The following CNTN5 variants were observed in gnomAD, a reference collection of about 807,000 sequenced individuals.
CNTN5 encodes contactin 5.
In CNTN5, 77 loss-of-function variants were observed where a neutral mutation model predicts 129.1. The ratio of observed to expected loss-of-function variants is 0.60; its 90% CI spans 0.50 to 0.72. CNTN5 has a LOEUF of 0.72. CNTN5 is among the 30% of genes least tolerant of loss of function. CNTN5 has a pLI of 0.00. For synonymous variants in CNTN5, 509 were observed against 465.6 expected, an observed-to-expected ratio of 1.09 and a Z score of -1.20; for missense variants, 1,478 against 1,328.8, an observed-to-expected ratio of 1.11 and a Z score of -1.75.
At position 100,074,240 on chromosome 11, in the gene CNTN5, C is replaced by G. The variant is rs1944038106; in HGVS notation, c.1526C>G (p.Pro509Arg). Residue 509 changes from proline (P) to arginine (R), a missense_variant, in exon 13 of 25, where the codon CCA becomes CGA. Coordinates refer to ENST00000524871, the MANE Select transcript of CNTN5 (RefSeq NM_014361.4). ...VVIECKPQGS[P>R]KPTISWKKGD... The stretch of plus-strand genomic sequence containing the variant: ...ATAGAGTGCAAACCCCAAGGCTCTC[C>G]AAAACCAACCATCTCTTGGAAGAAA... The G allele has an allele frequency of 1.2e-6, 2 of 1,610,998 alleles. No homozygotes were observed. The highest frequency in any genetic ancestry group is 1.1e-5 in the South Asian group (1 of 90,730).
At chr11:99,374,317 A>G (rs1242797369) in intron 2 of CNTN5, among the ~76,000 whole-genome samples, 1 of 152,242 alleles carries the variant, frequency 6.6e-6, no homozygotes, top group East Asian at 1.9e-4. Flanking sequence ...AATGAACAGC[A>G]CAAAGCCTTT....
At chr11:100,057,210 A>G (rs1297908964) in intron 9 of CNTN5, among the ~76,000 whole-genome samples, 1 of 148,112 alleles carries the variant, frequency 6.8e-6, no homozygotes, top group African/African-American at 2.4e-5. Flanking sequence ...AAATATATAC[A>G]TTATATATAA....
At chr11:99,835,891 T>C (rs1947286672) in intron 4 of CNTN5, among the ~76,000 whole-genome samples, 1 of 152,126 alleles carries the variant, frequency 6.6e-6, no homozygotes, top group Non-Finnish European at 1.5e-5. Context: ...CAAGACTATG[T>C]AATATTGTTA....
intron 9 of CNTN5, among the ~76,000 whole-genome samples, chr11:100,055,258 C>T (rs1371421644): frequency 6.6e-6 from 1 of 151,628 alleles, no homozygotes; most frequent in Non-Finnish European, 1.5e-5. Context: ...AATGAAAGAA[C>T]TTCAGGACAC....
intron 1 of CNTN5, among the ~76,000 whole-genome samples, chr11:99,134,325 T>C (rs7113946): frequency 0.91 from 138,223 of 152,166 alleles, 63,034 homozygotes; most frequent in East Asian, 0.99. Flanking sequence ...GGTGATGGGT[T>C]GACAGGTGCA....
At chr11:99,757,216 T>A (rs1944432611) in intron 3 of CNTN5, among the ~76,000 whole-genome samples, 1 of 152,026 alleles carries the variant, frequency 6.6e-6, no homozygotes, top group African/African-American at 2.4e-5. Flanking sequence ...TCCAATATCT[T>A]CCTTCATTTT....
In CNTN5 at chr11:99,142,001, C is replaced by G. The variant is rs7928881; in HGVS notation, c.-210+120731C>G. Among the ~76,000 whole-genome samples, 335 of 152,196 alleles carry G rather than the reference C, an allele frequency of 2.2e-3. 1 individual carries two copies. Among genetic ancestry groups the G allele is most frequent in the African/African-American group, 7.6e-3 (314 of 41,540 alleles). On this transcript the variant is annotated intron_variant, in intron 1 of 24. Transcript: ENST00000524871. ...GTGTTCTATAGATGTCCTTTATATT[C>G]TTCAATTTCCTGGAGTGTCTGACTG...
chr11:100,238,324 G>T (rs1469466881), intron 16 of CNTN5, among the ~76,000 whole-genome samples: 3 of 147,724 alleles, frequency 2.0e-5, no homozygotes, highest in Non-Finnish European at 4.4e-5. Flanking sequence ...AATAACCCAG[G>T]ATGGGATTTT....
chr11:99,503,181 A>T (rs1284695558), intron 2 of CNTN5, among the ~76,000 whole-genome samples: 2 of 152,114 alleles, frequency 1.3e-5, no homozygotes, highest in Non-Finnish European at 2.9e-5. Flanking sequence ...GTAACTCTAC[A>T]TCTTTCTTCC....
chr11:99,866,257 G>A (rs573436776), intron 6 of CNTN5, among the ~76,000 whole-genome samples: 35 of 152,248 alleles, frequency 2.3e-4, no homozygotes, highest in Non-Finnish European at 3.5e-4. Flanking sequence ...AGAATTTGGG[G>A]AATGACACAA....
chr11:100,342,258 T>A (rs1035582575), intron 23 of CNTN5, among the ~76,000 whole-genome samples: 2 of 151,858 alleles, frequency 1.3e-5, no homozygotes, highest in Non-Finnish European at 2.9e-5. Flanking sequence ...TTCTATACCA[T>A]TCCCTTACTC....
At chr11:99,842,445 G>A (rs1317120802) in intron 4 of CNTN5, among the ~76,000 whole-genome samples, 1 of 152,132 alleles carries the variant, frequency 6.6e-6, no homozygotes, top group Non-Finnish European at 1.5e-5. Context: ...TACTAATACT[G>A]TAAAGTAGGC....
chr11:99,118,913 T>A (rs746640284), intron 1 of CNTN5, among the ~76,000 whole-genome samples: 13 of 151,840 alleles, frequency 8.6e-5, no homozygotes, highest in Non-Finnish European at 1.3e-4. Context: ...ATACCTTAAT[T>A]ATGCTGTATT....
intron 6 of CNTN5, among the ~76,000 whole-genome samples, chr11:99,897,223 T>C (rs1949229900): frequency 6.6e-6 from 1 of 152,064 alleles, no homozygotes; most frequent in Non-Finnish European, 1.5e-5. Flanking sequence ...GTAAACAACC[T>C]GGAAAACATT....
intron 2 of CNTN5, among the ~76,000 whole-genome samples, chr11:99,428,772 G>T (rs1337762545): frequency 6.6e-6 from 1 of 151,808 alleles, no homozygotes; most frequent in Non-Finnish European, 1.5e-5. Context: ...TAGAAAAACT[G>T]CAGTATTAGA....
At chr11:99,887,988 T>C (rs914043920) in intron 6 of CNTN5, among the ~76,000 whole-genome samples, 2 of 152,194 alleles carry the variant, frequency 1.3e-5, no homozygotes, top group Non-Finnish European at 2.9e-5. Flanking sequence ...TCCAGTCAAG[T>C]TGACACTCAG....
intron 6 of CNTN5, among the ~76,000 whole-genome samples, chr11:99,866,275 G>A (rs898016323): frequency 4.6e-5 from 7 of 152,134 alleles, no homozygotes; most frequent in Non-Finnish European, 8.8e-5. Context: ...CAACTCAGTA[G>A]TTATTTTGAA....
chr11:99,169,819 T>A (rs1861061228), intron 1 of CNTN5, among the ~76,000 whole-genome samples: 1 of 152,186 alleles, frequency 6.6e-6, no homozygotes, highest in Non-Finnish European at 1.5e-5. Flanking sequence ...TAACATAATG[T>A]ATAAAACTAG....
At chr11:99,971,978 G>A (rs147452102) in intron 8 of CNTN5, among the ~76,000 whole-genome samples, 2 of 150,508 alleles carry the variant, frequency 1.3e-5, no homozygotes, top group East Asian at 1.9e-4. Flanking sequence ...GGGTGGGAGC[G>A]GTGGCTCACG....
Sources: allele counts gnomAD v4.1 joint callset (sites outside exome capture counted in the v4.1 genomes callset), GRCh38; gene constraint gnomAD v4.1.1; transcripts MANE v1.5; gene names NCBI Gene and HGNC (gene_info 2026-07-23, HGNC 2026-07-21).